CALN1: variants seen among roughly 807,000 people sequenced by gnomAD.
CALN1 encodes the protein calneuron 1.
Under a neutral mutation model 30.6 loss-of-function variants are expected in CALN1, and 17 were observed. The ratio of observed to expected loss-of-function variants is 0.56; its 90% CI spans 0.38 to 0.83. The LOEUF (loss-of-function observed/expected upper bound fraction) is 0.83. CALN1 is among the 40% of genes least tolerant of loss of function. The pLI is 0.00. For synonymous variants in CALN1, 156 were observed against 131.4 expected, an observed-to-expected ratio of 1.19 and a Z score of -1.28; for missense variants, 291 against 354.9, an observed-to-expected ratio of 0.82 and a Z score of 1.45.
the CALN1 span, among the ~76,000 whole-genome samples, chr7:72,470,581 C>A: frequency 6.6e-6 from 1 of 152,076 alleles, no homozygotes; most frequent in Admixed American, 6.5e-5. Flanking sequence ...CAGACCTAAG[C>A]CAGGCAGTAG....
At chr7:71,802,548 G>A (rs189702506) in intron 6 of CALN1, among the ~76,000 whole-genome samples, 27 of 152,158 alleles carry the variant, frequency 1.8e-4, no homozygotes, top group Non-Finnish European at 3.1e-4. Context: ...CTGCAGCCTC[G>A]AACCCCTGGG....
chr7:72,208,691 T>C lies in CALN1; in HGVS notation c.244+69995A>G, dbSNP rs1341604303. On this transcript the variant is annotated intron_variant, in intron 3 of 6. Transcript: ENST00000395275. Reference sequence around the variant, plus strand: ...TTAATGGATGTATATTAATTTGTAATGGGAAAACAACTATTTTTAAAAAAG... The same window carrying C: ...TTAATGGATGTATATTAATTTGTAACGGGAAAACAACTATTTTTAAAAAAG... Among the ~76,000 whole-genome samples the C allele has an allele frequency of 2.0e-5, 3 of 152,166 alleles. No homozygotes were observed. In the East Asian group the frequency reaches 5.8e-4, roughly 29 times the overall value.
At chr7:72,273,163 G>C (rs1461663837) in intron 3 of CALN1, among the ~76,000 whole-genome samples, 1 of 152,062 alleles carries the variant, frequency 6.6e-6, no homozygotes, top group Non-Finnish European at 1.5e-5. Flanking sequence ...GCCAGGCACG[G>C]TGGCTCACAC....
chr7:71,816,026 A>AT (rs35971928), intron 5 of CALN1, among the ~76,000 whole-genome samples: 24,624 of 148,076 alleles, frequency 0.17, 2,969 homozygotes, highest in East Asian at 0.61. Context: ...GACCTGGCTA[A>AT]TTTTTTTTTT....
intron 4 of CALN1, among the ~76,000 whole-genome samples, chr7:72,089,058 T>TA (rs1462051787): frequency 1.3e-5 from 2 of 152,044 alleles, no homozygotes; most frequent in Non-Finnish European, 2.9e-5. Context: ...AGAGACAAGA[T>TA]AAGTGTTTCT....
intron 5 of CALN1, among the ~76,000 whole-genome samples, chr7:71,864,097 C>A (rs138164912): frequency 2.0e-5 from 3 of 152,056 alleles, no homozygotes; most frequent in Non-Finnish European, 4.4e-5. Context: ...GATCCTCCCC[C>A]CCGATTACAA....
chr7:72,325,537 G>A (rs1452661592), intron 2 of CALN1, among the ~76,000 whole-genome samples: 2 of 152,242 alleles, frequency 1.3e-5, no homozygotes, highest in Admixed American at 6.5e-5. Flanking sequence ...GGAGGCAGAG[G>A]TTACAGTGAG....
chr7:72,201,843 G>C (rs927480441), intron 3 of CALN1, among the ~76,000 whole-genome samples: 6 of 151,600 alleles, frequency 4.0e-5, no homozygotes, highest in Admixed American at 2.6e-4. Context: ...AGCCTTAGAA[G>C]TGGAACTCAC....
At chr7:72,379,050 G>C (rs1196712521) in intron 2 of CALN1, among the ~76,000 whole-genome samples, 1 of 152,082 alleles carries the variant, frequency 6.6e-6, no homozygotes, top group Non-Finnish European at 1.5e-5. Context: ...ACGTTCACTT[G>C]GTTGTGTTGG....
intron 5 of CALN1, among the ~76,000 whole-genome samples, chr7:71,920,414 C>A (rs1056347317): frequency 6.9e-6 from 1 of 145,066 alleles, no homozygotes; most frequent in Non-Finnish European, 1.5e-5. Flanking sequence ...CGGCTCACTG[C>A]AAGCTCTGCC....
chr7:71,840,217 CT>C (rs201790529), intron 5 of CALN1, among the ~76,000 whole-genome samples: 29,021 of 152,098 alleles, frequency 0.19, 3,492 homozygotes, highest in Non-Finnish European at 0.27. Context: ...AATCCCAACA[CT>C]TTGGGAGGCT....
chr7:72,467,043 C>A, the CALN1 span, among the ~76,000 whole-genome samples: 7 of 152,070 alleles, frequency 4.6e-5, no homozygotes, highest in Admixed American at 3.9e-4. Flanking sequence ...TAATCAGAAG[C>A]CTGTTCCTGG....
chr7:71,902,229 C>A (rs1241280988), intron 5 of CALN1, among the ~76,000 whole-genome samples: 2 of 114,304 alleles, frequency 1.7e-5, no homozygotes, highest in Admixed American at 8.0e-5. Flanking sequence ...GTCTCAAAAC[C>A]AACCAACCAA....
chr7:72,206,015 T>C (rs886064593), intron 3 of CALN1, among the ~76,000 whole-genome samples: 3 of 152,178 alleles, frequency 2.0e-5, no homozygotes, highest in African/African-American at 7.2e-5. Context: ...TTTACTGGTC[T>C]CCCTGCTTTC....
At chr7:72,130,039 A>T (rs1402070764) in intron 3 of CALN1, among the ~76,000 whole-genome samples, 1 of 152,100 alleles carries the variant, frequency 6.6e-6, no homozygotes, top group East Asian at 1.9e-4. Flanking sequence ...GCTGGTTGTT[A>T]AAAAGAACCT....
At chr7:72,177,767 A>T (rs1585098992) in intron 3 of CALN1, among the ~76,000 whole-genome samples, 1 of 151,794 alleles carries the variant, frequency 6.6e-6, no homozygotes, top group East Asian at 1.9e-4. Context: ...AAAAAAAAAA[A>T]AAAGGACATT....
chr7:71,890,598 C>T (rs892262582), intron 5 of CALN1, among the ~76,000 whole-genome samples: 2 of 152,032 alleles, frequency 1.3e-5, no homozygotes, highest in South Asian at 2.1e-4. Context: ...AAAAAATTAT[C>T]CATAATATTT....
At chr7:71,950,909 C>T (rs1057159525) in intron 5 of CALN1, among the ~76,000 whole-genome samples, 2 of 152,202 alleles carry the variant, frequency 1.3e-5, no homozygotes, top group Non-Finnish European at 2.9e-5. Flanking sequence ...ATAAAGCCGG[C>T]TCCACCCTGT....
intron 2 of CALN1, among the ~76,000 whole-genome samples, chr7:72,320,246 G>A (rs978058207): frequency 6.6e-6 from 1 of 152,168 alleles, no homozygotes; most frequent in Non-Finnish European, 1.5e-5. Context: ...GGGCTAGGAC[G>A]GCGGGCTAGG....
Sources: allele counts gnomAD v4.1 joint callset (sites outside exome capture counted in the v4.1 genomes callset), GRCh38; gene constraint gnomAD v4.1.1; transcripts MANE v1.5; gene names NCBI Gene and HGNC (gene_info 2026-07-23, HGNC 2026-07-21).